Variants in SLC6A15 observed in about 807,000 individuals in gnomAD.
The protein encoded by SLC6A15 is sodium-dependent neutral amino acid transporter B(0)AT2.
In SLC6A15, 33 loss-of-function variants were observed where a neutral mutation model predicts 68.5. The ratio of observed to expected loss-of-function variants is 0.48; its 90% CI spans 0.37 to 0.64. SLC6A15 has a LOEUF of 0.64. Among genes scored for constraint, SLC6A15 ranks in the 30% least tolerant of loss-of-function variants. The pLI, the probability that SLC6A15 is intolerant of heterozygous loss-of-function variation, is 0.00. For missense variants in SLC6A15, 747 were observed against 874.3 expected, an observed-to-expected ratio of 0.85 and a Z score of 1.84; for synonymous variants, 347 against 301.0, an observed-to-expected ratio of 1.15 and a Z score of -1.58.
chr12:84,887,935 G>A (rs1872193866), intron 2 of SLC6A15, among the ~76,000 whole-genome samples: 1 of 151,870 alleles, frequency 6.6e-6, no homozygotes, highest in African/African-American at 2.4e-5. Flanking sequence ...ATATGAAAAA[G>A]ATACTTGAGG....
At chr12:84,908,811 TTTAC>T (rs1336508704) in intron 1 of SLC6A15, among the ~76,000 whole-genome samples, 2 of 152,000 alleles carry the variant, frequency 1.3e-5, no homozygotes, top group Non-Finnish European at 2.9e-5. Context: ...TCTGCTTCTT[TTTAC>T]ACAACTATTA....
chr12:84,883,841 G>A lies in SLC6A15; in HGVS notation c.756+18C>T. 2 of 1,614,082 alleles carry A rather than the reference G, an allele frequency of 1.2e-6. No homozygotes were observed. Among genetic ancestry groups the A allele is most frequent in the Non-Finnish European group, 1.7e-6 (2 of 1,180,012 alleles). On this transcript the variant is annotated intron_variant, in intron 5 of 11. Transcript: ENST00000266682. ...AAATGGTGATTAGCAGAATGAGGAA[G>A]GGCTCTAACATACTAACTTTTCCAG...
At chr12:84,882,587 A>G in intron 5 of SLC6A15, 1 of 467,908 alleles carries the variant, frequency 2.1e-6, no homozygotes, top group Non-Finnish European at 2.8e-6. Context: ...AATTGGTGGG[A>G]CTAGGACGGG....
chr12:84,873,055 GA>G, intron 7 of SLC6A15, 31 bp downstream of exon 7: 1 of 1,599,030 alleles, frequency 6.3e-7, no homozygotes, highest in Non-Finnish European at 8.5e-7. Flanking sequence ...TAAAAACTAA[GA>G]AAAAAGGCAA....
chr12:84,907,562 G>A (rs996582439), intron 1 of SLC6A15, among the ~76,000 whole-genome samples: 3 of 152,000 alleles, frequency 2.0e-5, no homozygotes, highest in African/African-American at 7.2e-5. Context: ...ACCAAATTCT[G>A]GCAAGGATGC....
At position 84,885,897 on chromosome 12, in the gene SLC6A15, A is replaced by G; in HGVS notation, c.447+14T>C. The G allele has an allele frequency of 6.3e-7, 1 of 1,595,942 alleles. No individual in the cohort carries two copies. The highest frequency in any genetic ancestry group is 8.5e-7 in the Non-Finnish European group (1 of 1,173,422). The stretch of plus-strand genomic sequence containing the variant: ...TATAAAGATTACAGCATACACCAAC[A>G]AAAGGAAACTTACTACACAACTTGC... On this transcript the variant is annotated intron_variant, in intron 3 of 11. Coordinates refer to ENST00000266682, the MANE Select transcript of SLC6A15 (RefSeq NM_182767.6).
chr12:84,903,364 T>C (rs144874996), intron 1 of SLC6A15, among the ~76,000 whole-genome samples: 110 of 152,202 alleles, frequency 7.2e-4, no homozygotes, highest in Admixed American at 4.4e-3. Context: ...ATTGTGCACA[T>C]GTACCCTAAA....
chr12:84,906,014 AT>A (rs1388382969), intron 1 of SLC6A15, among the ~76,000 whole-genome samples: 1 of 152,166 alleles, frequency 6.6e-6, no homozygotes, highest in Non-Finnish European at 1.5e-5. Flanking sequence ...ACAGTATTCA[AT>A]TTTTTTGCAG....
At chr12:84,890,304 C>T (rs1872326849) in intron 2 of SLC6A15, among the ~76,000 whole-genome samples, 1 of 152,142 alleles carries the variant, frequency 6.6e-6, no homozygotes, top group Admixed American at 6.5e-5. Flanking sequence ...TTAGCACTCT[C>T]CAGCAAGACA....
chr12:84,882,065 A>G, intron 5 of SLC6A15: 1 of 985,392 alleles, frequency 1.0e-6, no homozygotes. Context: ...AACAACCCCA[A>G]GATTCTGTGA....
At chr12:84,895,703 G>C (rs1029285599) in intron 1 of SLC6A15, among the ~76,000 whole-genome samples, 5 of 152,042 alleles carry the variant, frequency 3.3e-5, no homozygotes, top group African/African-American at 1.2e-4. Context: ...TTGACTTCTT[G>C]TGCACAGTTT....
Position 84,867,168 on chromosome 12 carries a change from A to G in SLC6A15, c.1521T>C (p.Cys507=). 2 of 1,605,724 alleles carry G rather than the reference A, an allele frequency of 1.2e-6. No individual in the cohort carries two copies. The highest frequency in any genetic ancestry group is 1.7e-6 in the Non-Finnish European group (2 of 1,176,554). The change falls in exon 10 of 12, where the codon TGT becomes TGC. Residue 507 remains cysteine (C), a synonymous_variant. Transcript: ENST00000266682. ...LTVICCLLAF[C]IGLIFVQRSG... ...AGCGTTGCACAAATATCAGGCCAATACAAAATGCCAGAAGACAACAGATAA... is the reference window on the plus strand; with the variant it reads ...AGCGTTGCACAAATATCAGGCCAATGCAAAATGCCAGAAGACAACAGATAA...
At position 84,862,762 on chromosome 12, in the gene SLC6A15, T is replaced by C. The variant is rs543937179; in HGVS notation, c.1818+677A>G. On this transcript the variant is annotated intron_variant, in intron 11 of 11. Transcript: ENST00000266682. ...ATATTTTTCATCATTACATAGAATC[T>C]GGGATACAATTTTTATTTATTTATT... Among the ~76,000 whole-genome samples the C allele has an allele frequency of 4.6e-5, 7 of 152,278 alleles. 2 individuals are homozygous for C. The highest frequency in any genetic ancestry group is 1.4e-4 in the African/African-American group (6 of 41,576).
intron 1 of SLC6A15, among the ~76,000 whole-genome samples, chr12:84,895,895 A>G (rs995742593): frequency 1.3e-5 from 2 of 152,204 alleles, no homozygotes; most frequent in African/African-American, 2.4e-5. Context: ...AATGTAGTCC[A>G]TAAACATAGA....
intron 1 of SLC6A15, among the ~76,000 whole-genome samples, chr12:84,912,188 G>C (rs563235298): frequency 5.9e-5 from 9 of 152,064 alleles, no homozygotes; most frequent in Non-Finnish European, 1.2e-4. Context: ...GCTTGGAAAC[G>C]AGTAGGTCTC....
chr12:84,911,522 C>G (rs2924141), intron 1 of SLC6A15, among the ~76,000 whole-genome samples: 10 of 152,170 alleles, frequency 6.6e-5, no homozygotes, highest in African/African-American at 2.4e-4. Flanking sequence ...AGAGCGCGAG[C>G]CTGGGGGCTT....
chr12:84,887,618 GA>G (rs972682468), intron 2 of SLC6A15, among the ~76,000 whole-genome samples: 3 of 152,134 alleles, frequency 2.0e-5, no homozygotes, highest in Non-Finnish European at 2.9e-5. Flanking sequence ...CTGCTGACCT[GA>G]ATGTTTTTCC....
chr12:84,871,804 A>G (rs1035626905), intron 8 of SLC6A15, among the ~76,000 whole-genome samples: 13 of 152,174 alleles, frequency 8.5e-5, no homozygotes, highest in African/African-American at 3.1e-4. Flanking sequence ...CAGCCAATAT[A>G]AGGACATTTA....
intron 1 of SLC6A15, among the ~76,000 whole-genome samples, chr12:84,895,337 G>GTGTTTTT (rs1362312029): frequency 1.5e-5 from 1 of 65,424 alleles, no homozygotes; most frequent in African/African-American, 6.9e-5. Flanking sequence ...ATTTTTGTTT[G>GTGTTTTT]TATTTTTTTT....
Sources: gnomAD v4.1 joint callset for allele counts (sites outside exome capture counted in the v4.1 genomes callset) on GRCh38, gnomAD v4.1.1 for gene constraint, MANE v1.5 for transcripts, NCBI Gene and HGNC (gene_info 2026-07-23, HGNC 2026-07-21) for gene names.